Variants in EML1 observed in about 807,000 individuals in gnomAD.
EML1 encodes the protein EMAP like 1.
A neutral mutation model predicts 110.4 loss-of-function variants in EML1; 27 were observed. That is an observed-to-expected ratio of 0.24 (90% confidence interval 0.18 to 0.34). The LOEUF is 0.34. Among genes scored for constraint, EML1 ranks in the 10% least tolerant of loss-of-function variants. The probability of loss-of-function intolerance (pLI) is 1.00; values close to 1 mark genes in which losing one functional copy is unlikely to be tolerated. For missense variants in EML1, 741 were observed against 1,030.9 expected, an observed-to-expected ratio of 0.72 and a Z score of 3.85; for synonymous variants, 344 against 385.8, an observed-to-expected ratio of 0.89 and a Z score of 1.27.
upstream of EML1, among the ~76,000 whole-genome samples, chr14:99,769,565 ATCT>A (rs2057401980): frequency 3.3e-5 from 5 of 152,220 alleles, no homozygotes; most frequent in African/African-American, 1.2e-4. Flanking sequence ...TGGTTTGTCA[ATCT>A]GATATCACTT....
chr14:99,763,968 G>A (rs1415036708), intron 1 of EML1, among the ~76,000 whole-genome samples: 1 of 152,216 alleles, frequency 6.6e-6, no homozygotes, highest in Non-Finnish European at 1.5e-5. Context: ...AGCTGGGGGT[G>A]TGTTGGGGCC....
chr14:99,878,723 T>TTCCA (rs1442380483), intron 4 of EML1, 104 bp downstream of exon 4: 1 of 1,473,248 alleles, frequency 6.8e-7, no homozygotes, highest in African/African-American at 1.4e-5. Context: ...AAGCTGGGAG[T>TTCCA]ACTCTTGGAG....
Position 99,793,659 on chromosome 14 carries a change from G to T in EML1, c.67+116G>T, listed in dbSNP as rs1307109299. ...GCCCGGCGGCCGCGGGCGAGGCCGCGCAAAGTTGTTGCGGAGGGGCGCGCG... is the reference window on the plus strand; with the variant it reads ...GCCCGGCGGCCGCGGGCGAGGCCGCTCAAAGTTGTTGCGGAGGGGCGCGCG... On this transcript the variant is annotated intron_variant, in intron 1 of 21. Transcript: ENST00000262233. 8 of 813,130 alleles carry T rather than the reference G, an allele frequency of 9.8e-6. No individual in the cohort carries two copies. In the East Asian group the frequency reaches 1.0e-3, roughly 103 times the overall value. The allele number at this position is 813,130 out of a possible 1,614,324, so 50.4% of individuals were successfully genotyped here. A position where few individuals can be genotyped will look rare whatever the true frequency, so the allele number is the denominator to read the frequency against.
intron 1 of EML1, among the ~76,000 whole-genome samples, chr14:99,817,379 T>C (rs1358630068): frequency 6.6e-6 from 1 of 152,162 alleles, no homozygotes; most frequent in Non-Finnish European, 1.5e-5. Context: ...AAATTAATAT[T>C]GTTTACAGCG....
intron 8 of EML1, 60 bp downstream of exon 8, chr14:99,898,362 GA>G: frequency 6.6e-7 from 1 of 1,514,274 alleles, no homozygotes; most frequent in Non-Finnish European, 9.0e-7. Context: ...GTAATTTTTA[GA>G]AAACATTGTG....
intron 1 of EML1, among the ~76,000 whole-genome samples, chr14:99,748,963 T>A (rs2057144443): frequency 6.6e-6 from 1 of 152,232 alleles, no homozygotes; most frequent in Admixed American, 6.5e-5. Context: ...ATTTTTGGGT[T>A]CATTCGTGTT....
At chr14:99,815,487 A>G (rs1327723622) in intron 1 of EML1, among the ~76,000 whole-genome samples, 1 of 152,160 alleles carries the variant, frequency 6.6e-6, no homozygotes, top group Non-Finnish European at 1.5e-5. Context: ...GTATAATGAT[A>G]TGCCCCCTTG....
chr14:99,817,628 T>C (rs1459478406), intron 1 of EML1, among the ~76,000 whole-genome samples: 1 of 152,198 alleles, frequency 6.6e-6, no homozygotes, highest in African/African-American at 2.4e-5. Flanking sequence ...CTCAGGGGTC[T>C]GTGGACCACA....
chr14:99,771,547 C>T (rs1229384679), upstream of EML1, among the ~76,000 whole-genome samples: 3 of 152,206 alleles, frequency 2.0e-5, no homozygotes, highest in Admixed American at 6.5e-5. Flanking sequence ...CGCCATGGCT[C>T]ACGCCTATAT....
At chr14:99,793,300 C>T (rs979209075), upstream of EML1, 12 of 977,762 alleles carry the variant, frequency 1.2e-5, no homozygotes, top group Admixed American at 3.2e-4. Context: ...GCGCTGGGCT[C>T]GCGCGGCTGC....
chr14:99,939,638 C>T lies in EML1; in HGVS notation c.2322+311C>T, dbSNP rs2060545714. Among the ~76,000 whole-genome samples the T allele has an allele frequency of 6.6e-6, 1 of 152,310 alleles. No individual in the cohort carries two copies. Among genetic ancestry groups the T allele is most frequent in the Admixed American group, 6.5e-5 (1 of 15,304 alleles). On this transcript the variant is annotated intron_variant, in intron 21 of 21. Coordinates refer to ENST00000262233, the MANE Select transcript of EML1 (RefSeq NM_004434.3). The surrounding 1 kb of genome is among the most constrained non-coding windows in gnomAD (Gnocchi z 4.2). ...CGCCAGCCCTGAGCCCTGGGACGCC[C>T]TTCTTCATCCTCCGTGATCCTGACC...
At chr14:99,842,311 C>A (rs1308400012) in intron 1 of EML1, among the ~76,000 whole-genome samples, 1 of 152,134 alleles carries the variant, frequency 6.6e-6, no homozygotes, top group African/African-American at 2.4e-5. Context: ...TCAGTTTTTC[C>A]CCCAGCTTAA....
chr14:99,881,989 A>G (rs1164790553), intron 4 of EML1, among the ~76,000 whole-genome samples: 1 of 152,154 alleles, frequency 6.6e-6, no homozygotes, highest in South Asian at 2.1e-4. Context: ...CTTTCTTGTG[A>G]TATGGAAGAC....
chr14:99,757,316 G>A (rs368422153), intron 1 of EML1, among the ~76,000 whole-genome samples: 211 of 151,440 alleles, frequency 1.4e-3, no homozygotes, highest in African/African-American at 4.6e-3. Flanking sequence ...TCCAGCCTGG[G>A]CGACAGAGCA....
chr14:99,815,807 T>C (rs1417190036), intron 1 of EML1, among the ~76,000 whole-genome samples: 4 of 152,140 alleles, frequency 2.6e-5, no homozygotes, highest in African/African-American at 9.7e-5. Flanking sequence ...GTAAATTGCG[T>C]CGGTGACATC....
At chr14:99,742,536 AG>A (rs1435125512) in intron 1 of EML1, among the ~76,000 whole-genome samples, 1 of 152,242 alleles carries the variant, frequency 6.6e-6, no homozygotes, top group South Asian at 2.1e-4. Context: ...AGGAGGGCAC[AG>A]GGAGATCTGG....
chr14:99,887,186 C>T (rs556506266), intron 4 of EML1, among the ~76,000 whole-genome samples: 19 of 152,302 alleles, frequency 1.2e-4, no homozygotes, highest in African/African-American at 4.3e-4. Context: ...CCTCATCCTC[C>T]GTTGAGTCTC....
At chr14:99,829,379 T>A (rs2058412702) in intron 1 of EML1, among the ~76,000 whole-genome samples, 1 of 152,218 alleles carries the variant, frequency 6.6e-6, no homozygotes, top group Non-Finnish European at 1.5e-5. Flanking sequence ...TTATTGCTTT[T>A]TGAGTGAACA....
At chr14:99,747,772 C>A (rs1184405132) in intron 1 of EML1, among the ~76,000 whole-genome samples, 1 of 152,152 alleles carries the variant, frequency 6.6e-6, no homozygotes, top group Admixed American at 6.5e-5. Context: ...TGGAAGCCAC[C>A]AAGCCCACCC....
Sources: gnomAD v4.1 joint callset for allele counts (sites outside exome capture counted in the v4.1 genomes callset) on GRCh38, gnomAD v4.1.1 for gene constraint, Gnocchi (gnomAD v3.1) non-coding constraint, MANE v1.5 for transcripts, NCBI Gene and HGNC (gene_info 2026-07-23, HGNC 2026-07-21) for gene names.